SCARA5: variants seen among roughly 807,000 people sequenced by gnomAD.
The protein encoded by SCARA5 is scavenger receptor class A member 5.
Under a neutral mutation model 46.3 loss-of-function variants are expected in SCARA5, and 45 were observed. That is an observed-to-expected ratio of 0.97 (90% CI 0.76 to 1.24). The LOEUF is 1.24. Among genes scored for constraint, SCARA5 ranks in the 50% most tolerant of loss-of-function variants. SCARA5 has a pLI of 0.00. For synonymous variants in SCARA5, 333 were observed against 306.5 expected (o/e 1.09, Z -0.90); for missense variants, 680 against 689.0 (o/e 0.99, Z 0.15).
chr8:27,889,169 C>T (rs1806944206), intron 7 of SCARA5, among the ~76,000 whole-genome samples: 1 of 152,140 alleles, frequency 6.6e-6, no homozygotes, highest in South Asian at 2.1e-4. Context: ...ACAGCTGAGG[C>T]ACAGATGAGG....
intron 4 of SCARA5, among the ~76,000 whole-genome samples, chr8:27,920,777 C>A (rs948439593): frequency 1.3e-5 from 2 of 152,060 alleles, no homozygotes; most frequent in Non-Finnish European, 2.9e-5. Flanking sequence ...TGCCCCCCAG[C>A]CTGGGCAACA....
chr8:27,982,192 G>A (rs1312244850), intron 2 of SCARA5, among the ~76,000 whole-genome samples: 1 of 152,062 alleles, frequency 6.6e-6, no homozygotes, highest in Non-Finnish European at 1.5e-5. Flanking sequence ...GGCCGTGGGG[G>A]CGAATGGGAC....
At chr8:27,964,013 C>T (rs1443900103) in intron 3 of SCARA5, among the ~76,000 whole-genome samples, 1 of 152,164 alleles carries the variant, frequency 6.6e-6, no homozygotes, top group Non-Finnish European at 1.5e-5. Context: ...TGGCAGGACA[C>T]CCAACAGAAG....
At chr8:27,892,852 T>A (rs1815032) in intron 7 of SCARA5, among the ~76,000 whole-genome samples, 80 of 152,082 alleles carry the variant, frequency 5.3e-4, no homozygotes, top group Admixed American at 1.4e-3. Flanking sequence ...GTGATCCGCC[T>A]GCCTGGGCCT....
At chr8:27,908,191 A>G (rs1463958987) in intron 5 of SCARA5, among the ~76,000 whole-genome samples, 2 of 152,052 alleles carry the variant, frequency 1.3e-5, no homozygotes, top group Non-Finnish European at 2.9e-5. Flanking sequence ...CGTTTTATTT[A>G]AGGAAAAAAA....
At chr8:27,950,897 A>T (rs1465728868) in intron 3 of SCARA5, among the ~76,000 whole-genome samples, 1 of 151,780 alleles carries the variant, frequency 6.6e-6, no homozygotes, top group Non-Finnish European at 1.5e-5. Context: ...AAAAAAGGTC[A>T]GTGTGGACTA....
intron 3 of SCARA5, among the ~76,000 whole-genome samples, chr8:27,943,463 G>C (rs1179843222): frequency 6.6e-6 from 1 of 152,202 alleles, no homozygotes; most frequent in African/African-American, 2.4e-5. Flanking sequence ...TATTGCCAAA[G>C]TCATTCTTTC....
At chr8:27,891,827 T>A (rs2726959) in intron 7 of SCARA5, among the ~76,000 whole-genome samples, 1 of 152,124 alleles carries the variant, frequency 6.6e-6, no homozygotes, top group African/African-American at 2.4e-5. Flanking sequence ...TCTGTACACA[T>A]CGAGGTGGCA....
chr8:27,913,865 C>T (rs78964095), intron 4 of SCARA5, among the ~76,000 whole-genome samples: 1,990 of 152,324 alleles, frequency 0.013, 90 homozygotes, highest in East Asian at 0.13. Flanking sequence ...CACCAACTTT[C>T]CTCCACCTCT....
intron 3 of SCARA5, among the ~76,000 whole-genome samples, chr8:27,961,116 G>A (rs956681952): frequency 3.3e-5 from 5 of 152,214 alleles, no homozygotes; most frequent in African/African-American, 7.2e-5. Context: ...TAAGAGTGAC[G>A]ATGCTAATAA....
intron 2 of SCARA5, among the ~76,000 whole-genome samples, chr8:27,981,270 C>T (rs951016483): frequency 6.6e-6 from 1 of 152,294 alleles, no homozygotes; most frequent in East Asian, 1.9e-4. Context: ...AGGAATGTCT[C>T]AAAGGTGTGG....
intron 4 of SCARA5, among the ~76,000 whole-genome samples, chr8:27,920,609 T>C (rs1807566675): frequency 1.0e-5 from 1 of 96,780 alleles, no homozygotes; most frequent in Non-Finnish European, 2.1e-5. Context: ...CGAGACTCCA[T>C]CTCAAAAAAA....
chr8:27,986,228 C>A (rs558114628), intron 2 of SCARA5, among the ~76,000 whole-genome samples: 1 of 152,336 alleles, frequency 6.6e-6, no homozygotes, highest in South Asian at 2.1e-4. Context: ...GAAACCTGAC[C>A]CAGCTTGGTG....
intron 3 of SCARA5, among the ~76,000 whole-genome samples, chr8:27,961,396 T>C (rs1347920504): frequency 6.6e-6 from 1 of 152,188 alleles, no homozygotes; most frequent in Non-Finnish European, 1.5e-5. Context: ...TCTTCTGCCA[T>C]GACTGGAAGC....
chr8:27,959,328 C>T (rs927918861), intron 3 of SCARA5, among the ~76,000 whole-genome samples: 6 of 152,210 alleles, frequency 3.9e-5, no homozygotes, highest in Non-Finnish European at 5.9e-5. Flanking sequence ...GGCTAGGCCA[C>T]CCCAGGAGTG....
intron 4 of SCARA5, among the ~76,000 whole-genome samples, chr8:27,913,646 A>T (rs1807414213): frequency 6.6e-6 from 1 of 152,046 alleles, no homozygotes; most frequent in Non-Finnish European, 1.5e-5. Context: ...TCTGGCCTTT[A>T]TAAGAACCTC....
At chr8:27,930,423 A>T (rs1807751407) in intron 3 of SCARA5, among the ~76,000 whole-genome samples, 1 of 149,324 alleles carries the variant, frequency 6.7e-6, no homozygotes, top group African/African-American at 2.5e-5. Context: ...TTTTTTTGAG[A>T]CGGAGTTTCA....
chr8:27,879,741 G>C lies in SCARA5; in HGVS notation c.1179C>G (p.Ile393Met), dbSNP rs1190441886. 6.2e-7 allele frequency: 1 copy of C among 1,613,044 alleles called. No individual in the cohort carries two copies. Among genetic ancestry groups the C allele is most frequent in the Non-Finnish European group, 8.5e-7 (1 of 1,180,006 alleles). Residue 393 changes from isoleucine to methionine, a missense_variant, in exon 8 of 9, where the codon ATC (isoleucine) becomes ATG (methionine). Ile to Met is a conservative substitution (Grantham distance 10). Around this residue, in one of 3 missense-constraint regions of SCARA5, gnomAD observed 219 missense variants for 269.5 expected, o/e 0.81. Transcript: ENST00000354914. ...DASGVEAPMM[I>M]RLVNGSGPHE... ...GCGGACCTGAGCCATTCACCAGGCG[G>C]ATCATCATCGGGGCCTCCACGCCAC...
At chr8:27,945,892 T>C (rs1808028237) in intron 3 of SCARA5, among the ~76,000 whole-genome samples, 1 of 152,218 alleles carries the variant, frequency 6.6e-6, no homozygotes, top group Non-Finnish European at 1.5e-5. Context: ...CTAAAAGTAA[T>C]GGAACAGTGC....
Sources: gnomAD v4.1 joint callset for allele counts (sites outside exome capture counted in the v4.1 genomes callset) on GRCh38, gnomAD v4.1.1 for gene constraint, gnomAD v4.1.1 regional missense constraint, MANE v1.5 for transcripts, NCBI Gene and HGNC (gene_info 2026-07-23, HGNC 2026-07-21) for gene names.